IPO4: variants seen among roughly 807,000 people sequenced by gnomAD.
The protein encoded by IPO4 is importin 4.
A neutral mutation model predicts 133.5 loss-of-function variants in IPO4; 91 were observed. The observed-to-expected ratio is 0.68, with a 90% CI of 0.58 to 0.81. The LOEUF (loss-of-function observed/expected upper bound fraction) is 0.81, where lower values mean the gene tolerates loss of function less well. Among genes scored for constraint, IPO4 ranks in the 30% least tolerant of loss-of-function variants. The pLI is 0.00. For missense variants in IPO4, 1,279 were observed against 1,386.2 expected (o/e 0.92, Z 1.23); for synonymous variants, 607 against 581.6 (o/e 1.04, Z -0.63).
Position 24,180,263 on chromosome 14 carries a change from T to A in IPO4, c.*179A>T. On this transcript the variant is annotated 3_prime_UTR_variant, in exon 30 of 30. Transcript: ENST00000354464. ...AAGCTGCTTTTATTACAGTATGATG[T>A]CATGACTCATTTGTAACAGATCCAG... 2 of 1,544,238 alleles carry A rather than the reference T, an allele frequency of 1.3e-6. No individual in the cohort carries two copies. The highest frequency in any genetic ancestry group is 1.8e-6 in the Non-Finnish European group (2 of 1,141,708).
In IPO4 at chr14:24,181,831, C is replaced by G. The variant is rs535534622; in HGVS notation, c.2820G>C (p.Lys940Asn). 84 of 1,596,508 alleles carry G rather than the reference C, an allele frequency of 5.3e-5. No homozygotes were observed. In the Middle Eastern group the frequency reaches 8.4e-4, roughly 16 times the overall value. Residue 940 changes from lysine (K) to asparagine (N), a missense_variant, in exon 27 of 30, where the codon AAG (lysine) becomes AAC (asparagine). By Grantham distance (94) the Lys-to-Asn change is moderately conservative. This residue lies in a region of IPO4 where 575 missense variants were observed against 653.4 expected (regional missense o/e 0.88). Transcript: ENST00000354464. Reference protein sequence around the residue: ...GGHPAQEHFPKLLGLLFPLLA... With the variant: ...GGHPAQEHFPNLLGLLFPLLA... ...GGAGGGGAAAAAGGAGCCCCAGCAG[C>G]TTGGGGAAGTGTCTGGTCCACAGTC...
At chr14:24,183,721 G>A (rs2039176294) in intron 19 of IPO4, 54 bp from the exon 20 acceptor site, 1 of 1,614,158 alleles carries the variant, frequency 6.2e-7, no homozygotes, top group Non-Finnish European at 8.5e-7. Context: ...AGCAGATCCA[G>A]CACTAGGCCC....
At chr14:24,185,051 GAAA>G in intron 14 of IPO4, 71 bp from the exon 15 acceptor site, 1 of 1,591,074 alleles carries the variant, frequency 6.3e-7, no homozygotes, top group Non-Finnish European at 8.6e-7. Context: ...CCTCCAGGCG[GAAA>G]CCTTTTTTTG....
intron 12 of IPO4, 23 bp downstream of exon 12, chr14:24,185,838 C>T (rs761519648): frequency 1.3e-6 from 2 of 1,588,190 alleles, no homozygotes. Flanking sequence ...GCAACCCTCA[C>T]CCTGGGACAG....
chr14:24,188,660 G>A (rs774132170), intron 1 of IPO4, 22 bp from the exon 2 acceptor site: 2 of 1,605,772 alleles, frequency 1.2e-6, no homozygotes, highest in Non-Finnish European at 1.7e-6. Flanking sequence ...CTAGGGGTGA[G>A]AGTTGGGCCT....
At chr14:24,183,972 G>GGGGGCCC in intron 18 of IPO4, 26 bp downstream of exon 18, 21 of 1,573,206 alleles carry the variant, frequency 1.3e-5, no homozygotes, top group Non-Finnish European at 1.6e-5. Flanking sequence ...GGCAGGCCTG[G>GGGGGCCC]CCCAGCCCAC....
intron 16 of IPO4, 60 bp downstream of exon 16, chr14:24,184,590 C>A (rs1352606407): frequency 2.1e-6 from 3 of 1,439,026 alleles, no homozygotes; most frequent in African/African-American, 1.4e-5. Context: ...TCTGTCAACA[C>A]CAGGTGAGCA....
At chr14:24,186,006 C>G in intron 11 of IPO4, 36 bp from the exon 12 acceptor site, 1 of 1,605,034 alleles carries the variant, frequency 6.2e-7, no homozygotes. Context: ...GAAACCCCAG[C>G]AAGAGCCTGC....
rs2039120485 is a variant in IPO4 at position 24,180,696 on chromosome 14, G to A, written c.3108C>T (p.Ile1036=). The part of the protein sequence containing the change: ...ICSLILADNK[I]PPDTKAALLL... ...TATGACTCCTACCCTCACCTGGTGG[G>A]ATCTTGTTGTCAGCCAGAATGAGGC... is the stretch of plus-strand genomic sequence containing the variant. Residue 1036 remains isoleucine, a synonymous_variant, in exon 29 of 30, where the codon ATC becomes ATT. Coordinates refer to ENST00000354464, the MANE Select transcript of IPO4 (RefSeq NM_024658.4). The A allele has an allele frequency of 1.2e-6, 2 of 1,614,060 alleles. No individual in the cohort carries two copies. Among genetic ancestry groups the A allele is most frequent in the African/African-American group, 1.3e-5 (1 of 74,944 alleles).
At chr14:24,187,235 G>T in intron 6 of IPO4, 85 bp from the exon 7 acceptor site, 1 of 1,527,158 alleles carries the variant, frequency 6.5e-7, no homozygotes, top group South Asian at 1.1e-5. Context: ...GAATTGCGAG[G>T]AGGAGCCCAG....
Position 24,182,331 on chromosome 14 carries a change from C to T in IPO4, c.2545G>A (p.Asp849Asn). The stretch of plus-strand genomic sequence containing the variant: ...CCGGCAAAGAATGGGGCAAAGGAGT[C>T]TCCCCCAGCCGCGGCTGCCAGGGCA... Reference protein sequence around the residue: ...IPALAAAAGGDSFAPFFAGFL... With the variant: ...IPALAAAAGGNSFAPFFAGFL... The change falls in exon 25 of 30, where the codon GAC becomes AAC. Residue 849 changes from aspartate to asparagine, a missense_variant. By Grantham distance (23) the Asp-to-Asn change is conservative. Around this residue, in one of 3 missense-constraint regions of IPO4, gnomAD observed 575 missense variants for 653.4 expected, o/e 0.88. Transcript: ENST00000354464. 6.2e-7 allele frequency: 1 copy of T among 1,613,668 alleles called. No individual in the cohort carries two copies. Among genetic ancestry groups the T allele is most frequent in the Non-Finnish European group, 8.5e-7 (1 of 1,179,882 alleles).
chr14:24,184,624 G>A (rs2039191797), intron 16 of IPO4, 26 bp downstream of exon 16: 1 of 1,532,366 alleles, frequency 6.5e-7, no homozygotes, highest in Non-Finnish European at 8.8e-7. Flanking sequence ...GGCACTGGGA[G>A]CCCCACCTGG....
chr14:24,184,034 G>A lies in IPO4; in HGVS notation c.1833C>T (p.Leu611=), dbSNP rs1420819581. 3.2e-6 allele frequency: 5 copies of A among 1,556,252 alleles called. No homozygotes were observed. Among genetic ancestry groups the A allele is most frequent in the South Asian group, 1.1e-5 (1 of 89,956 alleles). ...LAPHLEQITT[L]MLLSLRSTEG... ...CGGTGGAACGCAGTGACAGCAGCAT[G>A]AGCGTGGTGATCTGTTCCAAGTGGG... Residue 611 remains leucine (L), a synonymous_variant, in exon 18 of 30, where the codon CTC becomes CTT. Transcript: ENST00000354464.
At position 24,188,803 on chromosome 14, in the gene IPO4, G is replaced by C; in HGVS notation, c.-16C>G. On this transcript the variant is annotated 5_prime_UTR_variant, in exon 1 of 30. Transcript: ENST00000354464. Reference sequence around the variant, plus strand: ...CTGACTCCATGGCAGCAACTGAGCCGCCGCTACTGGGCCGAAAAGGGGAGG... The same window carrying C: ...CTGACTCCATGGCAGCAACTGAGCCCCCGCTACTGGGCCGAAAAGGGGAGG... 2.0e-6 allele frequency: 3 copies of C among 1,489,808 alleles called. No individual in the cohort carries two copies. In the South Asian group the frequency reaches 4.1e-5, roughly 20 times the overall value. The allele number at this position is 1,489,808 out of a possible 1,614,324, so 92.3% of individuals were successfully genotyped here.
At chr14:24,188,515 C>T in intron 2 of IPO4, 37 bp downstream of exon 2, 1 of 1,608,256 alleles carries the variant, frequency 6.2e-7, no homozygotes, top group East Asian at 2.2e-5. Context: ...CGGTGGCGTA[C>T]AGTGGGAAGC....
chr14:24,180,900 T>C (rs370894245), intron 28 of IPO4, 142 bp from the exon 29 acceptor site: 16 of 639,050 alleles, frequency 2.5e-5, no homozygotes, highest in African/African-American at 2.2e-4. Flanking sequence ...AAGACAACTA[T>C]GAACATGAGA....
rs757419933 is a variant in IPO4, at chr14:24,183,453, C to T, written c.2121+3G>A. The T allele has an allele frequency of 1.9e-6, 3 of 1,610,908 alleles. No individual in the cohort carries two copies. The highest frequency in any genetic ancestry group is 2.5e-6 in the Non-Finnish European group (3 of 1,178,328). On this transcript the variant is annotated splice_donor_region_variant and intron_variant, in intron 21 of 29. Transcript: ENST00000354464. ...CACCCACTCCACCCGCCGGCCCGCT[C>T]ACCTCCAGCAGTTTAAATACTTCTT...
chr14:24,182,202 G>A, intron 25 of IPO4, 39 bp from the exon 26 acceptor site: 1 of 1,613,802 alleles, frequency 6.2e-7, no homozygotes, highest in Non-Finnish European at 8.5e-7. Context: ...GATCAGCCTG[G>A]GCCAAGGATA....
chr14:24,181,993 C>A lies in IPO4; in HGVS notation c.2769G>T (p.Met923Ile). 1 of 1,612,706 alleles carries A rather than the reference C, an allele frequency of 6.2e-7. No individual in the cohort carries two copies. The highest frequency in any genetic ancestry group is 1.1e-5 in the South Asian group (1 of 91,092). ...PEVRSNAIFG[M>I]GVLAEHGGHP... ...GGCCCCCATGCTCTGCCAGCACGCC[C>A]ATCCCGAAGATGGCATTGCTTCGCA... The change falls in exon 26 of 30, where the codon ATG (methionine) becomes ATT (isoleucine). Residue 923 changes from methionine to isoleucine, a missense_variant. Met to Ile is a conservative substitution (Grantham distance 10). Transcript: ENST00000354464.
Sources: allele counts gnomAD v4.1 joint callset, GRCh38; gene constraint gnomAD v4.1.1; regional missense constraint gnomAD v4.1.1; transcripts MANE v1.5; gene names NCBI Gene and HGNC (gene_info 2026-07-23, HGNC 2026-07-21).